The following FOLH1 variants were observed in gnomAD, a reference collection of about 807,000 sequenced individuals.
FOLH1 encodes glutamate carboxypeptidase 2.
Under a neutral mutation model 93.9 loss-of-function variants are expected in FOLH1, and 54 were observed. That is an observed-to-expected ratio of 0.57 (90% CI 0.46 to 0.72). The LOEUF is 0.72. FOLH1 is among the 30% of genes least tolerant of loss of function. FOLH1 has a pLI of 0.00. For missense variants in FOLH1, 571 were observed against 892.5 expected (o/e 0.64, Z 4.59); for synonymous variants, 249 against 303.6 (o/e 0.82, Z 1.87).
chr11:49,208,182 C>A, intron 1 of FOLH1, 110 bp downstream of exon 1: 1 of 801,838 alleles, frequency 1.2e-6, no homozygotes, highest in South Asian at 1.8e-5. Context: ...TAATCGCCGC[C>A]CCTGGGGAAG....
In FOLH1 at chr11:49,164,953, C is replaced by T. The variant is rs181683659; in HGVS notation, c.1373-181G>A. On this transcript the variant is annotated intron_variant, in intron 12 of 18. Transcript: ENST00000256999. Reference sequence around the variant, plus strand: ...ATCATTCTCACCATGGCCCACACTGCCATATATGAAACCCTAGGTCACCTC... The same window carrying T: ...ATCATTCTCACCATGGCCCACACTGTCATATATGAAACCCTAGGTCACCTC... Among the ~76,000 whole-genome samples, 6 of 152,312 alleles carry T rather than the reference C, an allele frequency of 3.9e-5. No homozygotes were observed. The East Asian group carries it at 1.2e-3, about 29-fold the overall frequency.
At chr11:49,155,062 T>G (rs1383854940) in intron 15 of FOLH1, among the ~76,000 whole-genome samples, 1 of 151,904 alleles carries the variant, frequency 6.6e-6, no homozygotes, top group Non-Finnish European at 1.5e-5. Context: ...AAAGTATAGG[T>G]AGAAGGAAGG....
chr11:49,171,298 T>A (rs755970075), intron 10 of FOLH1, 21 bp from the exon 11 acceptor site: 1 of 1,521,548 alleles, frequency 6.6e-7, no homozygotes, highest in East Asian at 2.4e-5. Context: ...TGTGTATATA[T>A]AAATGATAGA....
chr11:49,148,566 C>T, intron 18 of FOLH1, 73 bp downstream of exon 18: 47 of 1,150,372 alleles, frequency 4.1e-5, no homozygotes, highest in South Asian at 9.2e-5. Flanking sequence ...ATATTTTTTC[C>T]ACAGTGAAAA....
At chr11:49,177,079 A>G (rs1860142881) in intron 7 of FOLH1, among the ~76,000 whole-genome samples, 1 of 152,224 alleles carries the variant, frequency 6.6e-6, no homozygotes, top group African/African-American at 2.4e-5. Context: ...TTGAGGAAAT[A>G]TGAATAGCTC....
intron 3 of FOLH1, among the ~76,000 whole-genome samples, chr11:49,198,777 CTT>C (rs1337012575): frequency 2.2e-5 from 3 of 139,464 alleles, no homozygotes; most frequent in Non-Finnish European, 3.1e-5. Flanking sequence ...GTTTGTTTTT[CTT>C]TTTTTTTTTT....
intron 3 of FOLH1, among the ~76,000 whole-genome samples, chr11:49,199,564 T>C (rs1344085822): frequency 6.6e-6 from 1 of 151,926 alleles, no homozygotes; most frequent in Non-Finnish European, 1.5e-5. Context: ...GATCCGTGCA[T>C]TTCCCAGCAA....
intron 2 of FOLH1, among the ~76,000 whole-genome samples, chr11:49,201,005 TAAAATC>T (rs1863201159): frequency 1.3e-5 from 2 of 152,088 alleles, no homozygotes; most frequent in Admixed American, 1.3e-4. Context: ...GTGACACACT[TAAAATC>T]AATGACAATA....
chr11:49,147,056 C>T (rs970246578), intron 18 of FOLH1, 111 bp from the exon 19 acceptor site: 2 of 926,904 alleles, frequency 2.2e-6, no homozygotes, highest in African/African-American at 1.7e-5. Context: ...TTTGAACAAG[C>T]CACTTGTCAA....
intron 7 of FOLH1, among the ~76,000 whole-genome samples, chr11:49,176,980 T>G (rs933107177): frequency 6.6e-6 from 1 of 152,234 alleles, no homozygotes; most frequent in Non-Finnish European, 1.5e-5. Flanking sequence ...CGCACCCTCA[T>G]GCACTCCAGG....
chr11:49,185,174 C>G (rs1861223578), intron 6 of FOLH1, among the ~76,000 whole-genome samples: 1 of 152,116 alleles, frequency 6.6e-6, no homozygotes. Context: ...TCTCCTGTCC[C>G]TTACCCACAC....
At chr11:49,177,725 ATC>A (rs1860230204) in intron 7 of FOLH1, among the ~76,000 whole-genome samples, 1 of 149,138 alleles carries the variant, frequency 6.7e-6, no homozygotes, top group Non-Finnish European at 1.5e-5. Context: ...AGGCAAGCGG[ATC>A]ACCTGAGGTC....
At chr11:49,189,265 C>T (rs778268827) in intron 4 of FOLH1, among the ~76,000 whole-genome samples, 3 of 152,142 alleles carry the variant, frequency 2.0e-5, no homozygotes, top group Non-Finnish European at 2.9e-5. Context: ...TTTACACAGC[C>T]TAGTTTGAAA....
At chr11:49,191,845 G>A (rs1459286321) in intron 4 of FOLH1, among the ~76,000 whole-genome samples, 1 of 152,154 alleles carries the variant, frequency 6.6e-6, no homozygotes, top group Non-Finnish European at 1.5e-5. Flanking sequence ...CTACAGTTGT[G>A]TGTCACCGCA....
chr11:49,200,036 T>A (rs1324062082), intron 3 of FOLH1, among the ~76,000 whole-genome samples: 1 of 152,224 alleles, frequency 6.6e-6, no homozygotes, highest in African/African-American at 2.4e-5. Flanking sequence ...GCAGCTGTTA[T>A]CAAGCATTAA....
intron 4 of FOLH1, among the ~76,000 whole-genome samples, chr11:49,192,140 A>C (rs527972489): frequency 1.5e-3 from 222 of 152,220 alleles, no homozygotes; most frequent in Middle Eastern, 3.4e-3. Context: ...CTGCTATCAT[A>C]TACTATCTGG....
Position 49,185,669 on chromosome 11 carries a change from C to G in FOLH1, c.826G>C (p.Glu276Gln). The change falls in exon 6 of 19, where the codon GAA becomes CAA. Residue 276 changes from glutamate to glutamine, a missense_variant and splice_region_variant. Physicochemically the swap from Glu to Gln is conservative, Grantham distance 29 (BLOSUM62 2). Around this residue, in one of 2 missense-constraint regions of FOLH1, gnomAD observed 500 missense variants for 822.9 expected, o/e 0.61. Transcript: ENST00000256999. ...TGATATTCAAGGATTGATCATTCACCATTTGCTGGGTAACCTGGTGTGAGA... is the reference window on the plus strand; with the variant it reads ...TGATATTCAAGGATTGATCATTCACGATTTGCTGGGTAACCTGGTGTGAGA... Reference protein sequence around the residue: ...DPLTPGYPANEYAYRRGIAEA... With the variant: ...DPLTPGYPANQYAYRRGIAEA... The G allele has an allele frequency of 6.2e-7, 1 of 1,613,548 alleles. No homozygotes were observed. Among genetic ancestry groups the G allele is most frequent in the South Asian group, 1.1e-5 (1 of 91,012 alleles).
intron 18 of FOLH1, among the ~76,000 whole-genome samples, chr11:49,148,324 A>G (rs1436987622): frequency 1.3e-5 from 2 of 151,490 alleles, no homozygotes; most frequent in Non-Finnish European, 2.9e-5. Context: ...ACCAGAATAT[A>G]ACAATGATTT....
chr11:49,197,238 TTTGCAGCACCAC>T (rs1188854004), intron 3 of FOLH1, among the ~76,000 whole-genome samples: 2 of 152,164 alleles, frequency 1.3e-5, no homozygotes, highest in African/African-American at 4.8e-5. Flanking sequence ...GGTAATCAAT[TTTGCAGCACCAC>T]TATGCCACAC....
Sources: gnomAD v4.1 joint callset for allele counts (sites outside exome capture counted in the v4.1 genomes callset) on GRCh38, gnomAD v4.1.1 for gene constraint, gnomAD v4.1.1 regional missense constraint, MANE v1.5 for transcripts, NCBI Gene and HGNC (gene_info 2026-07-23, HGNC 2026-07-21) for gene names.